CASD1: variants seen among roughly 807,000 people sequenced by gnomAD.
The protein encoded by CASD1 is CAS1 domain sialic acid O acetyltransferase 1.
CASD1 carries 41 observed loss-of-function variants against 100.0 expected under a neutral mutation model. That is an observed-to-expected ratio of 0.41 (90% confidence interval 0.32 to 0.53). CASD1 has a LOEUF of 0.53. CASD1 is among the 20% of genes least tolerant of loss of function. CASD1 has a pLI of 0.25. For synonymous variants in CASD1, 321 were observed against 315.6 expected, an observed-to-expected ratio of 1.02 and a Z score of -0.18; for missense variants, 774 against 948.7, an observed-to-expected ratio of 0.82 and a Z score of 2.42.
Position 94,544,485 on chromosome 7 carries a change from A to C in CASD1, c.1431A>C (p.Ser477=). Residue 477 remains serine, a synonymous_variant, in exon 11 of 18, where the codon TCA becomes TCC. Transcript: ENST00000297273. ...YLFQTGYGHF[S]YFWIKGDFGI... ...TTCAGACAGGGTATGGGCATTTCTCATACTTTTGGATAAAAGGAGATTTTG... is the reference window on the plus strand; with the variant it reads ...TTCAGACAGGGTATGGGCATTTCTCCTACTTTTGGATAAAAGGAGATTTTG... The C allele has an allele frequency of 6.2e-7, 1 of 1,613,336 alleles. No homozygotes were observed. Among genetic ancestry groups the C allele is most frequent in the Non-Finnish European group, 8.5e-7 (1 of 1,179,512 alleles).
the CASD1 span, chr7:94,585,549 TAGTC>T: frequency 6.8e-7 from 1 of 1,468,594 alleles, no homozygotes; most frequent in Non-Finnish European, 9.5e-7. Context: ...GGGCAGGAGT[TAGTC>T]AGGGCATGGA....
rs780817219 is a variant in CASD1, at chr7:94,554,586, T to G, written c.2127+11T>G. 1 of 1,567,256 alleles carries G rather than the reference T, an allele frequency of 6.4e-7. No homozygotes were observed. The highest frequency in any genetic ancestry group is 1.7e-5 in the Admixed American group (1 of 59,696). ...AAAATTTCATTAGAGGTTGGTACAT[T>G]AATATTTTGCTTATCTTACACAGCC... is the stretch of plus-strand genomic sequence containing the variant. On this transcript the variant is annotated intron_variant, in intron 17 of 17. Transcript: ENST00000297273.
the CASD1 span, chr7:94,588,501 T>G: frequency 2.8e-6 from 4 of 1,418,886 alleles, no homozygotes; most frequent in East Asian, 1.1e-4. Context: ...CCTGTGTTTA[T>G]CATTCTGATG....
Position 94,552,337 on chromosome 7 carries a change from T to A in CASD1, c.1957-13T>A. On this transcript the variant is annotated splice_polypyrimidine_tract_variant and intron_variant, in intron 15 of 17. Transcript: ENST00000297273. The stretch of plus-strand genomic sequence containing the variant: ...TTGCTTTTTTGAACTTTTCCATACA[T>A]TTTTTGTTTTAGACCTATTCCATCT... 1 of 1,599,710 alleles carries A rather than the reference T, an allele frequency of 6.3e-7. No individual in the cohort carries two copies. Among genetic ancestry groups the A allele is most frequent in the Non-Finnish European group, 8.5e-7 (1 of 1,172,986 alleles).
At chr7:94,580,799 G>A in the CASD1 span, among the ~76,000 whole-genome samples, 13 of 152,206 alleles carry the variant, frequency 8.5e-5, no homozygotes, top group Admixed American at 7.9e-4. Flanking sequence ...TACCAGCACT[G>A]AAACATATCA....
At chr7:94,570,878 A>G in the CASD1 span, among the ~76,000 whole-genome samples, 1 of 152,150 alleles carries the variant, frequency 6.6e-6, no homozygotes, top group Admixed American at 6.5e-5. Context: ...TTATTTGCTG[A>G]TGTATTTAAC....
At chr7:94,603,271 A>G in the CASD1 span, 9 of 1,603,712 alleles carry the variant, frequency 5.6e-6, no homozygotes, top group South Asian at 6.6e-5. Context: ...AAACTTGCAA[A>G]AACAAAATAA....
chr7:94,537,654 G>A lies in CASD1; in HGVS notation c.1026G>A (p.Lys342=). The A allele has an allele frequency of 3.7e-6, 6 of 1,613,744 alleles. No individual in the cohort carries two copies. The South Asian group carries it at 6.6e-5, about 18-fold the overall frequency. ...ATCGTAATGCTCATCGGAAGAATAAGCCGTGTACTGATTTGGAAAGTGGAG... is the reference window on the plus strand; with the variant it reads ...ATCGTAATGCTCATCGGAAGAATAAACCGTGTACTGATTTGGAAAGTGGAG... The part of the protein sequence containing the change: ...IIHRNAHRKN[K]PCTDLESGEE... Residue 342 remains lysine, a synonymous_variant, in exon 9 of 18, where the codon AAG becomes AAA. Coordinates refer to ENST00000297273, the MANE Select transcript of CASD1 (RefSeq NM_022900.5).
the CASD1 span, chr7:94,621,931 A>T: frequency 2.0e-5 from 3 of 152,170 alleles, no homozygotes; most frequent in African/African-American, 7.2e-5. Context: ...TGCTTTTCAT[A>T]TATGAAGGTC....
chr7:94,624,516 T>C, the CASD1 span: 1 of 300,404 alleles, frequency 3.3e-6, no homozygotes, highest in Non-Finnish European at 6.1e-6. Flanking sequence ...TTCCATCATA[T>C]TTAATTATTT....
At chr7:94,558,923 C>T (rs961155446), downstream of CASD1, among the ~76,000 whole-genome samples, 4 of 152,092 alleles carry the variant, frequency 2.6e-5, no homozygotes, top group African/African-American at 7.2e-5. Context: ...CCTCAGCCTC[C>T]TGAGTAGCTG....
At chr7:94,612,934 C>T in the CASD1 span, among the ~76,000 whole-genome samples, 1 of 152,176 alleles carries the variant, frequency 6.6e-6, no homozygotes, top group East Asian at 1.9e-4. Flanking sequence ...TGAAATAACT[C>T]TCATACACAC....
At chr7:94,584,061 A>G in the CASD1 span, among the ~76,000 whole-genome samples, 14 of 152,282 alleles carry the variant, frequency 9.2e-5, no homozygotes, top group South Asian at 4.2e-4. Flanking sequence ...TCCCCATTCA[A>G]TACCTCAATA....
At chr7:94,632,962 T>C in the CASD1 span, among the ~76,000 whole-genome samples, 2 of 151,988 alleles carry the variant, frequency 1.3e-5, no homozygotes, top group African/African-American at 4.8e-5. Context: ...TCACAAACCA[T>C]AAGCTTAAAG....
intron 1 of CASD1, among the ~76,000 whole-genome samples, chr7:94,512,701 T>G (rs1328153869): frequency 1.3e-5 from 2 of 152,248 alleles, no homozygotes; most frequent in East Asian, 3.8e-4. Flanking sequence ...CTCCACTATT[T>G]TTAACATCTT....
chr7:94,539,301 A>AT (rs1795269356), intron 10 of CASD1, among the ~76,000 whole-genome samples: 1 of 152,162 alleles, frequency 6.6e-6, no homozygotes, highest in Admixed American at 6.5e-5. Flanking sequence ...AATTTTTAAC[A>AT]TAATAGAAAT....
rs749021198 is a variant in CASD1 at position 94,545,679 on chromosome 7, A to G, written c.1611A>G (p.Gln537=). The change falls in exon 12 of 18, where the codon CAA becomes CAG. Residue 537 remains glutamine, a synonymous_variant. Transcript: ENST00000297273. ...VIYVTLALWP[Q]IIQKKANGNC... The stretch of plus-strand genomic sequence containing the variant: ...ATGTTACTTTAGCACTATGGCCACA[A>G]ATAATCCAAAAAAAAGCAAACGGTA... 3 of 1,594,826 alleles carry G rather than the reference A, an allele frequency of 1.9e-6. No homozygotes were observed. The highest frequency in any genetic ancestry group is 1.7e-6 in the Non-Finnish European group (2 of 1,170,370).
At chr7:94,575,131 G>C in the CASD1 span, among the ~76,000 whole-genome samples, 541 of 152,228 alleles carry the variant, frequency 3.6e-3, 4 homozygotes, top group African/African-American at 0.012. Flanking sequence ...TCTTTCAGTT[G>C]TCATGTTAAG....
the CASD1 span, among the ~76,000 whole-genome samples, chr7:94,630,153 C>G: frequency 6.6e-6 from 1 of 151,756 alleles, no homozygotes; most frequent in African/African-American, 2.4e-5. Flanking sequence ...TTGGTAATTT[C>G]TTTTTACTTG....
Sources: gnomAD v4.1 joint callset for allele counts (sites outside exome capture counted in the v4.1 genomes callset) on GRCh38, gnomAD v4.1.1 for gene constraint, MANE v1.5 for transcripts, NCBI Gene and HGNC (gene_info 2026-07-23, HGNC 2026-07-21) for gene names.